BARD1: variants seen among roughly 807,000 people sequenced by gnomAD.
BARD1 encodes BRCA1 associated RING domain 1.
Under a neutral mutation model 77.0 loss-of-function variants are expected in BARD1, and 73 were observed. The ratio of observed to expected loss-of-function variants is 0.95; its 90% CI spans 0.79 to 1.15. BARD1 has a LOEUF of 1.15. Ranked by LOEUF, BARD1 falls within the 50% of genes most tolerant of loss-of-function variation. The pLI is 0.00. For missense variants in BARD1, 993 were observed against 938.8 expected (o/e 1.06, Z -0.75); for synonymous variants, 384 against 338.0 (o/e 1.14, Z -1.49).
chr2:214,751,135 ATATATATATATATATATTT>A (rs1693411437), intron 7 of BARD1, among the ~76,000 whole-genome samples: 6 of 16,884 alleles, frequency 3.6e-4, no homozygotes, highest in African/African-American at 7.0e-4. Context: ...ATATATATAT[ATATATATATATATATATTT>A]TTTTTTTTTT....
At chr2:214,752,124 A>C (rs1693483158) in intron 7 of BARD1, among the ~76,000 whole-genome samples, 1 of 151,554 alleles carries the variant, frequency 6.6e-6, no homozygotes, top group African/African-American at 2.4e-5. Flanking sequence ...AAATTATTTT[A>C]TTTATATTAG....
intron 2 of BARD1, among the ~76,000 whole-genome samples, chr2:214,796,573 C>T (rs1276434173): frequency 6.6e-6 from 1 of 152,288 alleles, no homozygotes; most frequent in Non-Finnish European, 1.5e-5. Context: ...TCACAGCCCA[C>T]AGAAGGAACC....
chr2:214,748,404 T>C (rs1452069819), intron 7 of BARD1, among the ~76,000 whole-genome samples: 3 of 152,072 alleles, frequency 2.0e-5, no homozygotes, highest in Non-Finnish European at 2.9e-5. Context: ...CCTGATTTTA[T>C]AGAGATTAGA....
At chr2:214,777,107 A>G (rs1399338563) in intron 4 of BARD1, among the ~76,000 whole-genome samples, 4 of 152,194 alleles carry the variant, frequency 2.6e-5, no homozygotes, top group Non-Finnish European at 4.4e-5. Context: ...ACATGATTTT[A>G]GTGTGATGAG....
Position 214,745,801 on chromosome 2 carries a change from C to T in BARD1, c.1731G>A (p.Leu577=), listed in dbSNP as rs863224364. The T allele has an allele frequency of 2.5e-6, 4 of 1,613,874 alleles. No individual in the cohort carries two copies. The African/African-American group carries it at 4.0e-5, about 16-fold the overall frequency. Reference sequence around the variant, plus strand: ...TGAGCATTTTCTGTTGTTCTGAAGACAGCCCACTGCCTATAAGTACAAGAG... The same window carrying T: ...TGAGCATTTTCTGTTGTTCTGAAGATAGCCCACTGCCTATAAGTACAAGAG... ...DGPLVLIGSG[L]SSEQQKMLSE... The change falls in exon 8 of 11, where the codon CTG becomes CTA. Residue 577 remains leucine, a synonymous_variant. Coordinates refer to ENST00000260947, the MANE Select transcript of BARD1 (RefSeq NM_000465.4).
intron 7 of BARD1, among the ~76,000 whole-genome samples, chr2:214,751,117 G>GTGTATA (rs1486423673): frequency 1.2e-4 from 2 of 16,290 alleles, no homozygotes; most frequent in Non-Finnish European, 1.4e-4. Flanking sequence ...GTGTGTGTGT[G>GTGTATA]TATATATATA....
At chr2:214,801,693 G>A (rs1338436976) in intron 1 of BARD1, among the ~76,000 whole-genome samples, 1 of 152,110 alleles carries the variant, frequency 6.6e-6, no homozygotes, top group African/African-American at 2.4e-5. Context: ...AAAGTTGACT[G>A]TGTTCCACTC....
chr2:214,735,731 A>C (rs1042287276), intron 9 of BARD1, among the ~76,000 whole-genome samples: 5 of 152,138 alleles, frequency 3.3e-5, no homozygotes, highest in Non-Finnish European at 5.9e-5. Flanking sequence ...CATGATGTGA[A>C]TATGTCAAAT....
At chr2:214,757,878 G>A (rs2106051585) in intron 6 of BARD1, among the ~76,000 whole-genome samples, 1 of 152,148 alleles carries the variant, frequency 6.6e-6, no homozygotes, top group South Asian at 2.1e-4. Context: ...CTAGCAGACA[G>A]AAAAGTGTGT....
chr2:214,754,647 C>T (rs938038017), intron 6 of BARD1, among the ~76,000 whole-genome samples: 2 of 152,118 alleles, frequency 1.3e-5, no homozygotes, highest in Non-Finnish European at 2.9e-5. Context: ...AAAGTGACTA[C>T]CAGAGTTCCA....
chr2:214,727,288 G>A lies in BARD1; in HGVS notation c.*1388C>T, dbSNP rs1692123219. The A allele has an allele frequency of 4.3e-6, 1 of 230,756 alleles. No homozygotes were observed. The allele number at this position is 230,756 out of a possible 1,614,324, so 14.3% of individuals were successfully genotyped here. ...CAGAATCTCAAACTTTCAAGTAAGT[G>A]CATCTTAAGATGTTGATGAACTTCA... On this transcript the variant is annotated 3_prime_UTR_variant, in exon 11 of 11. Transcript: ENST00000260947.
chr2:214,793,337 C>CA (rs973889284), intron 2 of BARD1, among the ~76,000 whole-genome samples: 35 of 151,694 alleles, frequency 2.3e-4, no homozygotes, highest in South Asian at 2.1e-4. Context: ...GAATGTAACT[C>CA]AAAAAAAATT....
chr2:214,758,264 T>C (rs1693792031), intron 6 of BARD1, among the ~76,000 whole-genome samples: 1 of 152,212 alleles, frequency 6.6e-6, no homozygotes, highest in African/African-American at 2.4e-5. Context: ...GTTTCCTCAT[T>C]TATAAGATGG....
Position 214,769,463 on chromosome 2 carries a change from C to T in BARD1, c.1315-151G>A, listed in dbSNP as rs113268172. On this transcript the variant is annotated intron_variant, in intron 4 of 10. Coordinates refer to ENST00000260947, the MANE Select transcript of BARD1 (RefSeq NM_000465.4). ...TTCATGAGTTAATAAATTATTAGGC[C>T]GGGTGTGGTGGCTCACGCCTGTAAT... The T allele has an allele frequency of 8.8e-4, 619 of 701,060 alleles. 5 individuals are homozygous for T. In the African/African-American group the frequency reaches 9.9e-3, roughly 11 times the overall value. 43.4% of individuals were successfully genotyped at this position (701,060 alleles called of 1,614,324 possible).
chr2:214,756,416 G>A (rs945585576), intron 6 of BARD1, among the ~76,000 whole-genome samples: 2 of 152,218 alleles, frequency 1.3e-5, no homozygotes, highest in Non-Finnish European at 2.9e-5. Context: ...ATGGAAAACA[G>A]TGGAGATTCC....
rs1227520108 is a variant in BARD1 at position 214,727,146 on chromosome 2, T to G, written c.*1530A>C. 1 of 218,272 alleles carries G rather than the reference T, an allele frequency of 4.6e-6. No individual in the cohort carries two copies. Among genetic ancestry groups the G allele is most frequent in the Admixed American group, 5.8e-5 (1 of 17,272 alleles). 13.5% of individuals were successfully genotyped at this position (218,272 alleles called of 1,614,324 possible). A position where few individuals can be genotyped will look rare whatever the true frequency, so the allele number is the denominator to read the frequency against. ...CTGGTTGTAGAGAGTGTTTCAGAGCTAATTCACCCAGCAAGGTCAGGGTCA... is the reference window on the plus strand; with the variant it reads ...CTGGTTGTAGAGAGTGTTTCAGAGCGAATTCACCCAGCAAGGTCAGGGTCA... On this transcript the variant is annotated 3_prime_UTR_variant, in exon 11 of 11. Transcript: ENST00000260947.
chr2:214,725,903 C>T lies in BARD1; in HGVS notation c.*2773G>A. ...GATTAATGCATTTTCCACACTGACC[C>T]ATGGAAACAATAACAGCTAATGTGG... On this transcript the variant is annotated 3_prime_UTR_variant, in exon 11 of 11. Coordinates refer to ENST00000260947, the MANE Select transcript of BARD1 (RefSeq NM_000465.4). 1 of 225,246 alleles carries T rather than the reference C, an allele frequency of 4.4e-6. No individual in the cohort carries two copies. Among genetic ancestry groups the T allele is most frequent in the African/African-American group, 2.2e-5 (1 of 44,962 alleles). 14.0% of individuals were successfully genotyped at this position (225,246 alleles called of 1,614,324 possible).
intron 6 of BARD1, among the ~76,000 whole-genome samples, chr2:214,761,858 A>G (rs1202012504): frequency 6.6e-6 from 1 of 152,208 alleles, no homozygotes. Context: ...GCCAACTATC[A>G]TCATTATTGC....
chr2:214,777,494 A>C (rs1011349469), intron 4 of BARD1, among the ~76,000 whole-genome samples: 4 of 152,198 alleles, frequency 2.6e-5, no homozygotes, highest in African/African-American at 9.7e-5. Context: ...AACTATAGAA[A>C]CTGCAAGTTT....
Sources: allele counts gnomAD v4.1 joint callset (sites outside exome capture counted in the v4.1 genomes callset), GRCh38; gene constraint gnomAD v4.1.1; transcripts MANE v1.5; gene names NCBI Gene and HGNC (gene_info 2026-07-23, HGNC 2026-07-21).